CSMD1: variants seen among roughly 807,000 people sequenced by gnomAD.
CSMD1 encodes CUB and sushi domain-containing protein 1.
CSMD1 carries 213 observed loss-of-function variants against 417.5 expected under a neutral mutation model. That is an observed-to-expected ratio of 0.51 (90% confidence interval 0.46 to 0.57). The LOEUF is 0.57. Among genes scored for constraint, CSMD1 ranks in the 20% least tolerant of loss-of-function variants. CSMD1 has a pLI of 0.00. For missense variants in CSMD1, 6,923 were observed against 4,529.7 expected (o/e 1.53, Z -15.17); for synonymous variants, 2,862 against 1,736.8 (o/e 1.65, Z -16.11).
At chr8:3,858,963 G>A (rs1282768248) in intron 5 of CSMD1, among the ~76,000 whole-genome samples, 2 of 152,192 alleles carry the variant, frequency 1.3e-5, no homozygotes, top group African/African-American at 2.4e-5. Context: ...CAGAATTAAA[G>A]TATAACGACA....
chr8:4,100,265 C>G (rs946761233), intron 3 of CSMD1, among the ~76,000 whole-genome samples: 18 of 152,140 alleles, frequency 1.2e-4, no homozygotes, highest in South Asian at 6.2e-4. Context: ...AGTTAATTGT[C>G]ATAGTATTCA....
chr8:4,981,807 A>G (rs1401596291), intron 1 of CSMD1, among the ~76,000 whole-genome samples: 1 of 152,116 alleles, frequency 6.6e-6, no homozygotes, highest in Non-Finnish European at 1.5e-5. Flanking sequence ...TGACAGTGAT[A>G]GGCTACATGT....
intron 10 of CSMD1, among the ~76,000 whole-genome samples, chr8:3,554,964 A>G (rs921339276): frequency 3.9e-5 from 6 of 151,996 alleles, no homozygotes; most frequent in African/African-American, 1.4e-4. Flanking sequence ...AGAAGCCCAG[A>G]CACCTGGGCT....
At chr8:4,779,893 G>T (rs1797064811) in intron 1 of CSMD1, among the ~76,000 whole-genome samples, 1 of 151,748 alleles carries the variant, frequency 6.6e-6, no homozygotes, top group Admixed American at 6.6e-5. Context: ...TCGGGGCCTT[G>T]CTTTTTCTTT....
chr8:2,938,483 G>C lies in CSMD1; in HGVS notation c.*102C>G, dbSNP rs1007520626. The stretch of plus-strand genomic sequence containing the variant: ...GTAGACAAGGTTGAAGATCGCTGCA[G>C]TAAAGCCAGAGTGGAAGGGAGAGTG... On this transcript the variant is annotated 3_prime_UTR_variant, in exon 70 of 70. Coordinates refer to ENST00000635120, the MANE Select transcript of CSMD1 (RefSeq NM_033225.6). 8.5e-7 allele frequency: 1 copy of C among 1,174,360 alleles called. No individual in the cohort carries two copies. Among genetic ancestry groups the C allele is most frequent in the African/African-American group, 1.5e-5 (1 of 64,950 alleles). The allele number at this position is 1,174,360 out of a possible 1,614,324, so 72.7% of individuals were successfully genotyped here. A position where few individuals can be genotyped will look rare whatever the true frequency, so the allele number is the denominator to read the frequency against.
intron 55 of CSMD1, among the ~76,000 whole-genome samples, chr8:2,977,633 T>TA (rs1401514719): frequency 6.6e-6 from 1 of 151,996 alleles, no homozygotes; most frequent in Non-Finnish European, 1.5e-5. Context: ...ATCCTCAGAG[T>TA]GAACACACAA....
chr8:3,865,342 G>C (rs969020203), intron 5 of CSMD1, among the ~76,000 whole-genome samples: 1 of 152,142 alleles, frequency 6.6e-6, no homozygotes, highest in South Asian at 2.1e-4. Context: ...ACTCTGAAAT[G>C]CTCTTGCTGG....
At chr8:4,906,943 G>C (rs955215741) in intron 1 of CSMD1, among the ~76,000 whole-genome samples, 2 of 152,158 alleles carry the variant, frequency 1.3e-5, no homozygotes, top group South Asian at 2.1e-4. Context: ...TTTCCTATTA[G>C]TCTTTCCTAA....
At chr8:4,686,155 C>A (rs896513298) in intron 1 of CSMD1, among the ~76,000 whole-genome samples, 1 of 152,212 alleles carries the variant, frequency 6.6e-6, no homozygotes, top group Non-Finnish European at 1.5e-5. Context: ...TCCCTACACT[C>A]AAGAAGAGAA....
At position 4,025,279 on chromosome 8, in the gene CSMD1, C is replaced by T. The variant is rs1032097806; in HGVS notation, c.610+6626G>A. On this transcript the variant is annotated intron_variant, in intron 4 of 69. Coordinates refer to ENST00000635120, the MANE Select transcript of CSMD1 (RefSeq NM_033225.6). ...TGCTTCCTTTCTACCTTCTTGTATG[C>T]CCCTATCCAAAATCCACACAGTGGA... 3.3e-5 allele frequency among the ~76,000 whole-genome samples: 5 copies of T among 152,274 alleles called. No homozygotes were observed. The East Asian group carries it at 7.7e-4, about 24-fold the overall frequency.
At chr8:2,999,472 TA>T (rs1216374439) in intron 53 of CSMD1, among the ~76,000 whole-genome samples, 1 of 152,064 alleles carries the variant, frequency 6.6e-6, no homozygotes, top group Non-Finnish European at 1.5e-5. Context: ...CTCTTTCAAG[TA>T]AAAGAAAGAA....
chr8:4,157,671 G>A (rs561440702), intron 3 of CSMD1, among the ~76,000 whole-genome samples: 2 of 152,308 alleles, frequency 1.3e-5, no homozygotes, highest in South Asian at 4.1e-4. Context: ...TGGGGTGAGG[G>A]CATCCCCTCA....
chr8:3,231,280 C>T (rs1296026199), intron 26 of CSMD1, among the ~76,000 whole-genome samples: 1 of 152,014 alleles, frequency 6.6e-6, no homozygotes, highest in East Asian at 1.9e-4. Context: ...GCTCTTTCTT[C>T]CACTCCACTG....
At chr8:4,326,765 T>C (rs775458550) in intron 3 of CSMD1, among the ~76,000 whole-genome samples, 6 of 151,936 alleles carry the variant, frequency 3.9e-5, no homozygotes, top group African/African-American at 1.5e-4. Flanking sequence ...CAGAAGAAGA[T>C]GAGGTACGCA....
chr8:3,241,657 T>G (rs1321904585), intron 26 of CSMD1, among the ~76,000 whole-genome samples: 1 of 152,166 alleles, frequency 6.6e-6, no homozygotes, highest in Non-Finnish European at 1.5e-5. Context: ...CTTGGCCTGG[T>G]GGCCAGATTT....
intron 1 of CSMD1, among the ~76,000 whole-genome samples, chr8:4,837,892 C>A (rs959669221): frequency 2.0e-5 from 3 of 151,636 alleles, no homozygotes; most frequent in Non-Finnish European, 4.4e-5. Context: ...TAACGTGAAC[C>A]CCAAAATTAA....
Position 4,543,538 on chromosome 8 carries a change from G to A in CSMD1, c.302+93804C>T, listed in dbSNP as rs181076798. On this transcript the variant is annotated intron_variant, in intron 2 of 69. Coordinates refer to ENST00000635120, the MANE Select transcript of CSMD1 (RefSeq NM_033225.6). Reference sequence around the variant, plus strand: ...ACCACAGTTTATACATTCACCAACCGAAACACATATTGGATGCTTCCAGTT... The same window carrying A: ...ACCACAGTTTATACATTCACCAACCAAAACACATATTGGATGCTTCCAGTT... 2.8e-3 allele frequency among the ~76,000 whole-genome samples: 424 copies of A among 151,890 alleles called. 2 individuals carry two copies. The highest frequency in any genetic ancestry group is 9.7e-3 in the African/African-American group (402 of 41,428).
intron 2 of CSMD1, among the ~76,000 whole-genome samples, chr8:4,483,221 G>T (rs529941908): frequency 6.6e-6 from 1 of 152,246 alleles, no homozygotes; most frequent in South Asian, 2.1e-4. Context: ...AGTGAGAAGT[G>T]CCTTTCACCT....
intron 10 of CSMD1, among the ~76,000 whole-genome samples, chr8:3,520,878 T>C (rs1020577002): frequency 6.6e-6 from 1 of 152,158 alleles, no homozygotes; most frequent in Admixed American, 6.5e-5. Flanking sequence ...TTTGTCACCC[T>C]TGTGTCTAGC....
Sources: gnomAD v4.1 joint callset for allele counts (sites outside exome capture counted in the v4.1 genomes callset) on GRCh38, gnomAD v4.1.1 for gene constraint, MANE v1.5 for transcripts, NCBI Gene and HGNC (gene_info 2026-07-23, HGNC 2026-07-21) for gene names.